The following PDE5A variants were observed in gnomAD, a reference collection of about 807,000 sequenced individuals.
The protein encoded by PDE5A is cGMP-specific 3',5'-cyclic phosphodiesterase.
Under a neutral mutation model 110.2 loss-of-function variants are expected in PDE5A, and 67 were observed. That is an observed-to-expected ratio of 0.61 (90% CI 0.50 to 0.75). PDE5A has a LOEUF of 0.75. Among genes scored for constraint, PDE5A ranks in the 30% least tolerant of loss-of-function variants. PDE5A has a pLI of 0.00. For synonymous variants in PDE5A, 328 were observed against 351.2 expected (o/e 0.93, Z 0.74); for missense variants, 862 against 1,045.1 (o/e 0.82, Z 2.42).
At chr4:119,617,483 A>C (rs1253737527) in intron 1 of PDE5A, among the ~76,000 whole-genome samples, 1 of 152,228 alleles carries the variant, frequency 6.6e-6, no homozygotes, top group East Asian at 1.9e-4. Context: ...AATCTTGAAA[A>C]AGACAGAAAG....
chr4:119,524,632 T>C (rs1157572211), intron 12 of PDE5A, among the ~76,000 whole-genome samples: 1 of 152,164 alleles, frequency 6.6e-6, no homozygotes, highest in Non-Finnish European at 1.5e-5. Flanking sequence ...ATCGCTGAAA[T>C]GTGCCCCTGG....
chr4:119,628,790 G>T lies in PDE5A; in HGVS notation c.-119C>A. The T allele has an allele frequency of 6.9e-7, 1 of 1,457,218 alleles. No homozygotes were observed. The highest frequency in any genetic ancestry group is 9.3e-7 in the Non-Finnish European group (1 of 1,074,556). 90.3% of individuals were successfully genotyped at this position (1,457,218 alleles called of 1,614,324 possible). A position where few individuals can be genotyped will look rare whatever the true frequency, so the allele number is the denominator to read the frequency against. On this transcript the variant is annotated 5_prime_UTR_variant, in exon 1 of 21. Transcript: ENST00000354960. ...CCTCCCCCTTCGTCCTGCTCCAGTC[G>T]GGCCGGCTTTCGACAAAGCGGCCGG...
chr4:119,613,286 C>G (rs1428337501), intron 1 of PDE5A, among the ~76,000 whole-genome samples: 7 of 152,110 alleles, frequency 4.6e-5, no homozygotes, highest in African/African-American at 1.7e-4. Flanking sequence ...TTTTCATAAT[C>G]TGTGGTTCTA....
chr4:119,600,017 A>G (rs1346668640), intron 2 of PDE5A, among the ~76,000 whole-genome samples: 1 of 152,154 alleles, frequency 6.6e-6, no homozygotes, highest in East Asian at 1.9e-4. Flanking sequence ...TCCAGTGAAA[A>G]TATCCTTCAA....
chr4:119,607,214 C>A lies in PDE5A; in HGVS notation c.236G>T (p.Cys79Phe). ...AGGACTCTGCTGCAAGGGACAAGAG[C>A]AAGATTCGGTGTGGCCTCTGATACC... ...KEGIRGHTES[C>F]SCPLQQSPRA... The change falls in exon 2 of 21, where the codon TGC becomes TTC. Residue 79 changes from cysteine (C) to phenylalanine (F), a missense_variant. Physicochemically the swap from Cys to Phe is radical, Grantham distance 205. Transcript: ENST00000354960. The A allele has an allele frequency of 6.2e-7, 1 of 1,614,098 alleles. No individual in the cohort carries two copies. The highest frequency in any genetic ancestry group is 8.5e-7 in the Non-Finnish European group (1 of 1,180,012).
At chr4:119,554,052 T>G (rs904444594) in intron 7 of PDE5A, among the ~76,000 whole-genome samples, 3 of 152,154 alleles carry the variant, frequency 2.0e-5, no homozygotes, top group African/African-American at 7.2e-5. Flanking sequence ...ATATGTCCCC[T>G]CATATCTTAT....
In PDE5A at chr4:119,542,334, C is replaced by G. The variant is rs1373253371; in HGVS notation, c.1572+125G>C. On this transcript the variant is annotated intron_variant, in intron 10 of 20. Coordinates refer to ENST00000354960, the MANE Select transcript of PDE5A (RefSeq NM_001083.4). ...TTGAGGACAATAAGGATCTCATCAT[C>G]TAAATCACATAATTTTGGTGAGGAC... 25 of 781,700 alleles carry G rather than the reference C, an allele frequency of 3.2e-5. No individual in the cohort carries two copies. The East Asian group carries it at 6.3e-4, about 20-fold the overall frequency. The allele number at this position is 781,700 out of a possible 1,614,324, so 48.4% of individuals were successfully genotyped here.
intron 3 of PDE5A, among the ~76,000 whole-genome samples, chr4:119,579,781 G>A (rs553262893): frequency 6.6e-6 from 1 of 151,758 alleles, no homozygotes; most frequent in Admixed American, 6.6e-5. Flanking sequence ...CATGGCACAT[G>A]TATACATATG....
chr4:119,558,774 G>A (rs975130629), intron 7 of PDE5A, among the ~76,000 whole-genome samples: 2 of 151,706 alleles, frequency 1.3e-5, no homozygotes, highest in East Asian at 1.9e-4. Flanking sequence ...AAAATTAGCC[G>A]GGCGTAGTGG....
At chr4:119,596,178 A>G (rs1729144219) in intron 3 of PDE5A, among the ~76,000 whole-genome samples, 1 of 152,128 alleles carries the variant, frequency 6.6e-6, no homozygotes, top group Non-Finnish European at 1.5e-5. Flanking sequence ...ATGAGCATTT[A>G]TGAATACTAC....
At chr4:119,603,975 T>A (rs931999165) in intron 2 of PDE5A, among the ~76,000 whole-genome samples, 42 of 152,216 alleles carry the variant, frequency 2.8e-4, no homozygotes, top group African/African-American at 1.0e-3. Flanking sequence ...TGCTTAGTAA[T>A]GAATTATCCA....
At chr4:119,545,265 A>G (rs1251799014) in intron 9 of PDE5A, among the ~76,000 whole-genome samples, 2 of 152,166 alleles carry the variant, frequency 1.3e-5, no homozygotes, top group Non-Finnish European at 2.9e-5. Context: ...TAAGAAAACT[A>G]AAAACCTGGG....
chr4:119,611,582 A>G (rs977159214), intron 1 of PDE5A, among the ~76,000 whole-genome samples: 2 of 152,212 alleles, frequency 1.3e-5, no homozygotes, highest in Non-Finnish European at 2.9e-5. Flanking sequence ...ATATGTCTTA[A>G]GCAGAGCCAG....
chr4:119,620,591 G>A (rs1211551398), intron 1 of PDE5A, among the ~76,000 whole-genome samples: 1 of 152,072 alleles, frequency 6.6e-6, no homozygotes, highest in Non-Finnish European at 1.5e-5. Flanking sequence ...TTTATCTGAG[G>A]TTTGAGAGCC....
At position 119,525,772 on chromosome 4, in the gene PDE5A, T is replaced by C. The variant is rs1390118917; in HGVS notation, c.1633-77A>G. ...GATTTGCAAGGTTTTCTTGTTTTGC[T>C]GCAGAGAAATAGCATATTGTGGCTT... is the stretch of plus-strand genomic sequence containing the variant. On this transcript the variant is annotated intron_variant, in intron 11 of 20. Coordinates refer to ENST00000354960, the MANE Select transcript of PDE5A (RefSeq NM_001083.4). This position sits in a 1 kb window ranked among gnomAD's most constrained non-coding sequence, Gnocchi z 4.3. 2 of 1,425,824 alleles carry C rather than the reference T, an allele frequency of 1.4e-6. No individual in the cohort carries two copies. The highest frequency in any genetic ancestry group is 1.9e-6 in the Non-Finnish European group (2 of 1,043,000). 88.3% of individuals were successfully genotyped at this position (1,425,824 alleles called of 1,614,324 possible).
intron 3 of PDE5A, among the ~76,000 whole-genome samples, chr4:119,570,127 C>T (rs966519790): frequency 2.0e-5 from 3 of 152,154 alleles, no homozygotes; most frequent in Admixed American, 2.0e-4. Flanking sequence ...CAATAAAAGA[C>T]AAATTAACAG....
chr4:119,595,856 A>G (rs1729134078), intron 3 of PDE5A, among the ~76,000 whole-genome samples: 2 of 152,178 alleles, frequency 1.3e-5, no homozygotes, highest in Admixed American at 1.3e-4. Context: ...GAGAACCCCA[A>G]TTAATACAAT....
At position 119,502,586 on chromosome 4, in the gene PDE5A, GT is replaced by G; in HGVS notation, c.2400del (p.Glu800AspfsTer5). Reference sequence around the variant, plus strand: ...CAACAAGGTTTCATACTTACAGTGGGTTCTATGTTGAGTTCTTTTCTCTCTC... The same window carrying G: ...CAACAAGGTTTCATACTTACAGTGGGTCTATGTTGAGTTCTTTTCTCTCTC... ...GDRERKELNI[E>X]PTDLMNREKK... is the part of the protein sequence containing the mutation. On this transcript the variant is annotated frameshift_variant, in exon 19 of 21. Transcript: ENST00000354960. LOFTEE classifies it high-confidence loss of function. 1 of 1,586,362 alleles carries G rather than the reference GT, an allele frequency of 6.3e-7. No homozygotes were observed. The highest frequency in any genetic ancestry group is 1.3e-5 in the African/African-American group (1 of 74,476).
chr4:119,535,690 T>G (rs28576329), intron 11 of PDE5A, among the ~76,000 whole-genome samples: 2,285 of 152,216 alleles, frequency 0.015, 60 homozygotes, highest in African/African-American at 0.052. Context: ...GAAGGTTAGA[T>G]TTATAATGGG....
Sources: allele counts gnomAD v4.1 joint callset (sites outside exome capture counted in the v4.1 genomes callset), GRCh38; gene constraint gnomAD v4.1.1; non-coding constraint Gnocchi (gnomAD v3.1); transcripts MANE v1.5; gene names NCBI Gene and HGNC (gene_info 2026-07-23, HGNC 2026-07-21).